The following PPP1R21 variants were observed in gnomAD, a reference collection of about 807,000 sequenced individuals.
PPP1R21 encodes the protein KLRAQ motif containing 1.
In PPP1R21, 85 loss-of-function variants were observed where a neutral mutation model predicts 112.8. The observed-to-expected ratio is 0.75, with a 90% CI of 0.63 to 0.90. The LOEUF (loss-of-function observed/expected upper bound fraction) is 0.90, where lower values mean the gene tolerates loss of function less well. Ranked by LOEUF, PPP1R21 falls within the 40% of genes least tolerant of loss-of-function variation. The pLI is 0.00. For synonymous variants in PPP1R21, 381 were observed against 322.3 expected (o/e 1.18, Z -1.95); for missense variants, 1,199 against 901.5 (o/e 1.33, Z -4.23).
chr2:48,509,004 A>G (rs1049942753), intron 19 of PPP1R21, among the ~76,000 whole-genome samples: 7 of 152,310 alleles, frequency 4.6e-5, no homozygotes, highest in South Asian at 4.1e-4. Flanking sequence ...TAGCATTTGC[A>G]TGTGTTTCAA....
intron 15 of PPP1R21, among the ~76,000 whole-genome samples, chr2:48,493,011 CTT>C (rs746795481): frequency 3.0e-3 from 293 of 96,618 alleles, no homozygotes; most frequent in African/African-American, 0.011. Context: ...GGTCATTTAC[CTT>C]TTTTTTTTTT....
Position 48,461,125 on chromosome 2 carries a change from T to G in PPP1R21, c.600-13T>G, listed in dbSNP as rs576915474. On this transcript the variant is annotated splice_polypyrimidine_tract_variant and intron_variant, in intron 6 of 21. Transcript: ENST00000294952. The stretch of plus-strand genomic sequence containing the variant: ...GGTGATAATGTGGTTTTGTATTTTT[T>G]TTTTTTTTGCAGTCAATTACAGTTA... 1,165 of 1,574,198 alleles carry G rather than the reference T, an allele frequency of 7.4e-4. 13 individuals are homozygous for G. In the South Asian group the frequency reaches 0.013, roughly 17 times the overall value.
chr2:48,486,552 A>C, intron 13 of PPP1R21, 79 bp from the exon 14 acceptor site: 2 of 1,067,070 alleles, frequency 1.9e-6, no homozygotes, highest in Non-Finnish European at 2.8e-6. Flanking sequence ...AAGAATAGAT[A>C]GGAGAAGTGA....
intron 14 of PPP1R21, among the ~76,000 whole-genome samples, chr2:48,488,229 C>T (rs1572876188): frequency 6.6e-6 from 1 of 152,146 alleles, no homozygotes; most frequent in East Asian, 1.9e-4. Context: ...AGCCAGAGGA[C>T]CATCCCCACT....
rs200333237 is a variant in PPP1R21 at position 48,454,549 on chromosome 2, C to T, written c.127-46C>T. The T allele has an allele frequency of 5.6e-6, 9 of 1,609,736 alleles. No homozygotes were observed. The South Asian group carries it at 8.8e-5, about 16-fold the overall frequency. On this transcript the variant is annotated intron_variant, in intron 2 of 21. Coordinates refer to ENST00000294952, the MANE Select transcript of PPP1R21 (RefSeq NM_001135629.3). Reference sequence around the variant, plus strand: ...ATAATTTTTAATAAAATTTCTAAACCTTACAGCTAAACTGTGAGGACCAAT... The same window carrying T: ...ATAATTTTTAATAAAATTTCTAAACTTTACAGCTAAACTGTGAGGACCAAT...
chr2:48,465,988 G>A (rs763155856), intron 9 of PPP1R21, among the ~76,000 whole-genome samples: 4 of 152,142 alleles, frequency 2.6e-5, no homozygotes, highest in African/African-American at 4.8e-5. Flanking sequence ...CATGTGTTTC[G>A]TGGATGGTGG....
chr2:48,502,379 G>T (rs1436650280), intron 17 of PPP1R21, among the ~76,000 whole-genome samples: 1 of 149,724 alleles, frequency 6.7e-6, no homozygotes, highest in Non-Finnish European at 1.5e-5. Context: ...GTCTTGCCTT[G>T]CACACAGTGC....
chr2:48,463,032 GACA>G (rs1668043722), intron 7 of PPP1R21, among the ~76,000 whole-genome samples: 1 of 152,196 alleles, frequency 6.6e-6, no homozygotes, highest in Non-Finnish European at 1.5e-5. Context: ...TTATGGGAGA[GACA>G]ACGAGGTTAA....
chr2:48,492,381 T>C (rs957233110), intron 15 of PPP1R21, among the ~76,000 whole-genome samples: 1 of 152,186 alleles, frequency 6.6e-6, no homozygotes, highest in African/African-American at 2.4e-5. Context: ...GCATGTTTCA[T>C]TTTGCAATTT....
At chr2:48,455,446 G>T (rs899664892) in intron 3 of PPP1R21, among the ~76,000 whole-genome samples, 20 of 152,006 alleles carry the variant, frequency 1.3e-4, no homozygotes, top group Middle Eastern at 3.4e-3. Flanking sequence ...CCTGGCCCCG[G>T]CCCTGAATTT....
chr2:48,511,863 T>C (rs1410681222), intron 21 of PPP1R21, among the ~76,000 whole-genome samples: 3 of 151,912 alleles, frequency 2.0e-5, no homozygotes, highest in Admixed American at 2.0e-4. Flanking sequence ...AGAGTGAGAC[T>C]CTGTCTCTAA....
chr2:48,458,357 A>G (rs1053511590), intron 4 of PPP1R21, 130 bp downstream of exon 4: 10 of 557,678 alleles, frequency 1.8e-5, no homozygotes, highest in South Asian at 1.5e-4. Context: ...CTTCAAGTAT[A>G]TATGTCACTG....
rs757438523 is a variant in PPP1R21 at position 48,461,160 on chromosome 2, C to T, written c.622C>T (p.His208Tyr). The T allele has an allele frequency of 6.4e-7, 1 of 1,572,038 alleles. No homozygotes were observed. Among genetic ancestry groups the T allele is most frequent in the Non-Finnish European group, 8.6e-7 (1 of 1,166,668 alleles). Reference protein sequence around the residue: ...EECQLQLKTLHEDLSGRLEES... With the variant: ...EECQLQLKTLYEDLSGRLEES... ...CAGTCAATTACAGTTAAAGACTCTT[C>T]ATGAAGATTTGTCAGGTAGATTAGA... Residue 208 changes from histidine (H) to tyrosine (Y), a missense_variant, in exon 7 of 22, where the codon CAT becomes TAT. By Grantham distance (83) the His-to-Tyr change is moderately conservative. Transcript: ENST00000294952.
intron 19 of PPP1R21, among the ~76,000 whole-genome samples, 179 bp from the exon 20 acceptor site, chr2:48,509,836 C>T (rs897022037): frequency 6.6e-6 from 1 of 152,156 alleles, no homozygotes; most frequent in African/African-American, 2.4e-5. Context: ...AAGCTGGGGG[C>T]CACTTCTTTC....
intron 3 of PPP1R21, 27 bp downstream of exon 3, chr2:48,454,768 G>T (rs768937402): frequency 1.9e-6 from 3 of 1,589,690 alleles, no homozygotes; most frequent in Non-Finnish European, 2.6e-6. Flanking sequence ...GCAAGTTAGT[G>T]TGACCTTGTC....
intron 11 of PPP1R21, among the ~76,000 whole-genome samples, chr2:48,474,291 G>A (rs1285143137): frequency 4.6e-5 from 7 of 152,164 alleles, no homozygotes; most frequent in Admixed American, 1.3e-4. Context: ...GCTGAGGCAC[G>A]AGAATGGCTT....
chr2:48,504,886 C>T (rs1367380844), intron 17 of PPP1R21, among the ~76,000 whole-genome samples: 1 of 152,072 alleles, frequency 6.6e-6, no homozygotes, highest in African/African-American at 2.4e-5. Flanking sequence ...CTCAGCTACT[C>T]AGGAGGCTGG....
rs760673533 is a variant in PPP1R21 at position 48,454,591 on chromosome 2, A to G, written c.127-4A>G. On this transcript the variant is annotated splice_region_variant and splice_polypyrimidine_tract_variant and intron_variant, in intron 2 of 21. Transcript: ENST00000294952. ...AGGACCAATCTGTTTTCACTTTGATATAGGAGCAACTGAAAATGAAGGATC... is the reference window on the plus strand; with the variant it reads ...AGGACCAATCTGTTTTCACTTTGATGTAGGAGCAACTGAAAATGAAGGATC... 6.2e-7 allele frequency: 1 copy of G among 1,614,106 alleles called. No homozygotes were observed. Among genetic ancestry groups the G allele is most frequent in the Admixed American group, 1.7e-5 (1 of 60,032 alleles).
chr2:48,484,073 C>G (rs933611975), intron 13 of PPP1R21, among the ~76,000 whole-genome samples: 1 of 152,214 alleles, frequency 6.6e-6, no homozygotes, highest in Admixed American at 6.5e-5. Context: ...AAATCATAGG[C>G]TGTGACTCCT....
Sources: gnomAD v4.1 joint callset for allele counts (sites outside exome capture counted in the v4.1 genomes callset) on GRCh38, gnomAD v4.1.1 for gene constraint, MANE v1.5 for transcripts, NCBI Gene and HGNC (gene_info 2026-07-23, HGNC 2026-07-21) for gene names.